CDK14: variants seen among roughly 807,000 people sequenced by gnomAD.
The protein encoded by CDK14 is cyclin dependent kinase 14, also known as cyclin-dependent kinase 14.
Under a neutral mutation model 60.7 loss-of-function variants are expected in CDK14, and 34 were observed. The ratio of observed to expected loss-of-function variants is 0.56; its 90% CI spans 0.43 to 0.75. The LOEUF is 0.75. Ranked by LOEUF, CDK14 falls within the 30% of genes least tolerant of loss-of-function variation. The pLI, the probability that CDK14 is intolerant of heterozygous loss-of-function variation, is 0.00. For missense variants in CDK14, 482 were observed against 564.1 expected (o/e 0.85, Z 1.47); for synonymous variants, 197 against 203.7 (o/e 0.97, Z 0.28).
intron 14 of CDK14, among the ~76,000 whole-genome samples, chr7:91,194,741 A>T (rs1051460890): frequency 1.3e-5 from 2 of 152,176 alleles, no homozygotes; most frequent in African/African-American, 2.4e-5. Flanking sequence ...TCTTTCTGGG[A>T]TGTGCTTCCC....
chr7:90,608,897 T>A (rs1799477359), intron 2 of CDK14, among the ~76,000 whole-genome samples: 1 of 152,240 alleles, frequency 6.6e-6, no homozygotes, highest in Non-Finnish European at 1.5e-5. Flanking sequence ...TAGGTTAACT[T>A]GCTTACTTTA....
At chr7:91,079,281 A>G in intron 11 of CDK14, 151 bp from the exon 12 acceptor site, 1 of 547,260 alleles carries the variant, frequency 1.8e-6, no homozygotes, top group Non-Finnish European at 3.2e-6. Context: ...TTTACTCTTT[A>G]TAACTGCCCA....
At chr7:91,008,872 A>C (rs888769574) in intron 10 of CDK14, among the ~76,000 whole-genome samples, 1 of 152,150 alleles carries the variant, frequency 6.6e-6, no homozygotes, top group African/African-American at 2.4e-5. Flanking sequence ...TAATTGACAT[A>C]CTGTAAATTG....
intron 2 of CDK14, among the ~76,000 whole-genome samples, chr7:90,680,109 A>C (rs1801284786): frequency 6.6e-6 from 1 of 152,004 alleles, no homozygotes; most frequent in African/African-American, 2.4e-5. Flanking sequence ...GTTTGTATGT[A>C]TATCCCTGTA....
At chr7:90,684,244 C>A (rs1244955817) in intron 2 of CDK14, among the ~76,000 whole-genome samples, 1 of 152,120 alleles carries the variant, frequency 6.6e-6, no homozygotes, top group East Asian at 1.9e-4. Context: ...GTTCTCCAAT[C>A]AAGAATACTG....
chr7:90,824,151 A>G (rs1337564135), intron 5 of CDK14, among the ~76,000 whole-genome samples: 1 of 152,226 alleles, frequency 6.6e-6, no homozygotes, highest in African/African-American at 2.4e-5. Flanking sequence ...AAAATCAGTC[A>G]TAATGACAAT....
chr7:90,818,838 GAGCAAATGACCA>G (rs539175567), intron 5 of CDK14, among the ~76,000 whole-genome samples: 5 of 151,890 alleles, frequency 3.3e-5, no homozygotes, highest in Admixed American at 6.6e-5. Context: ...AACCCACAAA[GAGCAAATGACCA>G]ATATTTTCTC....
chr7:90,810,669 T>C (rs1789058673), intron 5 of CDK14, among the ~76,000 whole-genome samples: 1 of 152,106 alleles, frequency 6.6e-6, no homozygotes, highest in Admixed American at 6.6e-5. Flanking sequence ...AAAGAGGAAG[T>C]CAAATTGTCC....
In CDK14 at chr7:90,726,714, AAG is replaced by A; in HGVS notation, c.274_275del (p.Arg92GlyfsTer4). 6.2e-7 allele frequency: 1 copy of A among 1,613,896 alleles called. No individual in the cohort carries two copies. Among genetic ancestry groups the A allele is most frequent in the Non-Finnish European group, 8.5e-7 (1 of 1,179,814 alleles). ...DPFEKPANQV[K>X]RVHSENNACI... ...ATTTGAGAAACCAGCTAATCAAGTA[AAG>A]AGGGTGCATTCTGAGAACAATGCTT... On this transcript the variant is annotated frameshift_variant, in exon 3 of 15. Transcript: ENST00000380050. LOFTEE classifies it high-confidence loss of function.
At chr7:90,802,159 G>T (rs916807535) in intron 5 of CDK14, among the ~76,000 whole-genome samples, 1 of 152,138 alleles carries the variant, frequency 6.6e-6, no homozygotes, top group African/African-American at 2.4e-5. Context: ...TCATCCTCTT[G>T]TAATGATTTC....
intron 10 of CDK14, among the ~76,000 whole-genome samples, chr7:91,019,546 G>A (rs1225582345): frequency 1.3e-5 from 2 of 152,066 alleles, no homozygotes; most frequent in Admixed American, 1.3e-4. Context: ...GGGCTTTCTT[G>A]GCTATTGAAC....
chr7:91,034,537 T>A (rs929837172), intron 10 of CDK14, among the ~76,000 whole-genome samples: 1 of 152,116 alleles, frequency 6.6e-6, no homozygotes. Context: ...CTTTGCAATG[T>A]TGAAAACTCT....
chr7:91,153,570 G>A (rs368275789), intron 14 of CDK14, among the ~76,000 whole-genome samples: 3 of 152,158 alleles, frequency 2.0e-5, no homozygotes, highest in African/African-American at 7.2e-5. Flanking sequence ...ATGAGATCAT[G>A]TCCTTTGCAG....
At chr7:90,944,018 G>T (rs1475448049) in intron 8 of CDK14, among the ~76,000 whole-genome samples, 1 of 152,170 alleles carries the variant, frequency 6.6e-6, no homozygotes, top group Non-Finnish European at 1.5e-5. Flanking sequence ...AACTGGAATA[G>T]TTACCATGAG....
At chr7:90,942,299 G>A (rs1005474454) in intron 8 of CDK14, among the ~76,000 whole-genome samples, 2 of 152,172 alleles carry the variant, frequency 1.3e-5, no homozygotes, top group African/African-American at 4.8e-5. Context: ...TGCCTGGGAA[G>A]TCTCATCTTA....
chr7:91,170,671 C>T (rs1277529907), intron 14 of CDK14, among the ~76,000 whole-genome samples: 1 of 150,310 alleles, frequency 6.7e-6, no homozygotes. Context: ...TGAAGAATAC[C>T]AAATAAAAAG....
intron 9 of CDK14, among the ~76,000 whole-genome samples, chr7:90,970,408 T>G (rs1244807121): frequency 6.6e-6 from 1 of 152,252 alleles, no homozygotes; most frequent in Non-Finnish European, 1.5e-5. Context: ...TGATTTTGTC[T>G]TTATCTTTGC....
chr7:90,621,304 C>T (rs1799758962), intron 2 of CDK14, among the ~76,000 whole-genome samples: 1 of 152,150 alleles, frequency 6.6e-6, no homozygotes, highest in Admixed American at 6.5e-5. Context: ...GGGGAAGCCC[C>T]TTTGTCTCTA....
intron 10 of CDK14, among the ~76,000 whole-genome samples, chr7:91,034,288 G>T (rs1317014976): frequency 6.6e-6 from 1 of 152,160 alleles, no homozygotes; most frequent in African/African-American, 2.4e-5. Context: ...AGAAAATTCT[G>T]CATATCTTGC....
Sources: gnomAD v4.1 joint callset for allele counts (sites outside exome capture counted in the v4.1 genomes callset) on GRCh38, gnomAD v4.1.1 for gene constraint, MANE v1.5 for transcripts, NCBI Gene and HGNC (gene_info 2026-07-23, HGNC 2026-07-21) for gene names.